Variants in LAMA3 observed in about 807,000 individuals in gnomAD.
LAMA3 encodes the protein laminin subunit alpha-3.
In LAMA3, 281 loss-of-function variants were observed where a neutral mutation model predicts 402.0. The observed-to-expected ratio is 0.70, with a 90% CI of 0.63 to 0.77. LAMA3 has a LOEUF of 0.77. Among genes scored for constraint, LAMA3 ranks in the 30% least tolerant of loss-of-function variants. The pLI is 0.00. For synonymous variants in LAMA3, 1,431 were observed against 1,558.4 expected (o/e 0.92, Z 1.93); for missense variants, 3,840 against 4,215.5 (o/e 0.91, Z 2.47).
At chr18:23,805,044 T>C (rs1036987389) in intron 12 of LAMA3, among the ~76,000 whole-genome samples, 2 of 152,184 alleles carry the variant, frequency 1.3e-5, no homozygotes, top group Non-Finnish European at 2.9e-5. Context: ...AACATAAAAA[T>C]AGCCTAATAC....
chr18:23,690,122 G>A (rs1346347761), intron 1 of LAMA3, 145 bp downstream of exon 1: 2 of 663,556 alleles, frequency 3.0e-6, no homozygotes, highest in Non-Finnish European at 4.7e-6. Context: ...CCGCGCGCGA[G>A]GGCCCACGAC....
intron 7 of LAMA3, 123 bp from the exon 8 acceptor site, chr18:23,763,282 A>G (rs2062009629): frequency 1.4e-6 from 1 of 720,022 alleles, no homozygotes; most frequent in Admixed American, 2.0e-5. Context: ...TTCCCCTAAG[A>G]GTGTCCTGGG....
chr18:23,811,070 G>T (rs17259452), intron 13 of LAMA3, among the ~76,000 whole-genome samples: 7,261 of 152,224 alleles, frequency 0.048, 418 homozygotes, highest in Admixed American at 0.17. Flanking sequence ...AGTCTATGCA[G>T]TTTGGAGAGA....
intron 4 of LAMA3, among the ~76,000 whole-genome samples, chr18:23,750,668 G>A (rs529347786): frequency 4.6e-5 from 7 of 152,020 alleles, no homozygotes; most frequent in African/African-American, 4.8e-5. Flanking sequence ...CTTTGAAAAC[G>A]TAATGATAAC....
chr18:23,883,157 C>T (rs1266958847), intron 40 of LAMA3, among the ~76,000 whole-genome samples: 1 of 152,132 alleles, frequency 6.6e-6, no homozygotes, highest in African/African-American at 2.4e-5. Flanking sequence ...AACCAGGACC[C>T]AGATCCTGCA....
chr18:23,787,618 A>G (rs1004994297), intron 12 of LAMA3, among the ~76,000 whole-genome samples: 5 of 152,244 alleles, frequency 3.3e-5, no homozygotes, highest in African/African-American at 9.6e-5. Context: ...CAGTTAGAAT[A>G]ACAACTGACT....
At chr18:23,814,030 ATTCTT>A (rs1451085615) in intron 14 of LAMA3, among the ~76,000 whole-genome samples, 1 of 152,154 alleles carries the variant, frequency 6.6e-6, no homozygotes, top group African/African-American at 2.4e-5. Context: ...CAGATAAACA[ATTCTT>A]TACTGATTTT....
In LAMA3 at chr18:23,749,472, AT is replaced by A. The variant is rs746551368; in HGVS notation, c.611del (p.Met204ArgfsTer30). On this transcript the variant is annotated frameshift_variant, in exon 4 of 75. Transcript: ENST00000313654. LOFTEE classifies it high-confidence loss of function. Reference protein sequence around the residue: ...CLKEFGREANMAVTRDDDVLC... With the variant: ...CLKEFGREANXAVTRDDDVLC... ...AAAAGAATTTGGGCGGGAGGCAAATATGGCTGTCACCCGGGATGATGATGTA... is the reference window on the plus strand; with the variant it reads ...AAAAGAATTTGGGCGGGAGGCAAATAGGCTGTCACCCGGGATGATGATGTA... The A allele has an allele frequency of 6.2e-7, 1 of 1,613,072 alleles. No individual in the cohort carries two copies.
At chr18:23,794,625 AGT>A (rs753050601) in intron 12 of LAMA3, among the ~76,000 whole-genome samples, 13 of 152,204 alleles carry the variant, frequency 8.5e-5, no homozygotes, top group Non-Finnish European at 1.8e-4. Context: ...CTTACCTAAG[AGT>A]GTGCTGACAA....
rs1440131766 is a variant in LAMA3 at position 23,846,523 on chromosome 18, C to T, written c.3931+15C>T. 6.3e-7 allele frequency: 1 copy of T among 1,597,348 alleles called. No homozygotes were observed. Among genetic ancestry groups the T allele is most frequent in the African/African-American group, 1.3e-5 (1 of 74,846 alleles). On this transcript the variant is annotated intron_variant, in intron 31 of 74. Transcript: ENST00000313654. ...ACGCTGCAAGCGTAAGTGCACGTTT[C>T]CCATCACCCAAGTTCTGCTCTGGTC...
chr18:23,781,161 C>T, intron 11 of LAMA3: 1 of 338,016 alleles, frequency 3.0e-6, no homozygotes, highest in Non-Finnish European at 6.0e-6. Flanking sequence ...CCAAGTTTTT[C>T]ACTGAATCTC....
chr18:23,726,846 G>A (rs1286743958), intron 2 of LAMA3, among the ~76,000 whole-genome samples: 1 of 152,078 alleles, frequency 6.6e-6, no homozygotes, highest in East Asian at 1.9e-4. Flanking sequence ...TTGAGCTCCC[G>A]GCCTCAAGTG....
intron 32 of LAMA3, among the ~76,000 whole-genome samples, chr18:23,851,652 C>T (rs2063947345): frequency 6.6e-6 from 1 of 152,148 alleles, no homozygotes; most frequent in Non-Finnish European, 1.5e-5. Context: ...CCCTGAGACT[C>T]CACCCATTCT....
chr18:23,777,314 A>G (rs1364881285), intron 10 of LAMA3, among the ~76,000 whole-genome samples: 2 of 152,050 alleles, frequency 1.3e-5, no homozygotes, highest in Non-Finnish European at 2.9e-5. Flanking sequence ...GCTGAGACTT[A>G]GCTATTGTGA....
Position 23,921,028 on chromosome 18 carries a change from G to T in LAMA3, c.8017G>T (p.Ala2673Ser). Residue 2673 changes from alanine to serine, a missense_variant, in exon 61 of 75, where the codon GCC becomes TCC. Ala to Ser is a moderately conservative substitution (Grantham distance 99, BLOSUM62 1). Coordinates refer to ENST00000313654, the MANE Select transcript of LAMA3 (RefSeq NM_198129.4). ...ACCAAAAGAGAGAGGAGTTGGAGAC[G>T]CCATAAACAACGGCAGAGACCATTC... ...ELPKERGVGD[A>S]INNGRDHSIQ... 1 of 1,613,996 alleles carries T rather than the reference G, an allele frequency of 6.2e-7. No homozygotes were observed. Among genetic ancestry groups the T allele is most frequent in the Non-Finnish European group, 8.5e-7 (1 of 1,179,954 alleles).
chr18:23,768,370 C>T (rs529613375), intron 8 of LAMA3, among the ~76,000 whole-genome samples: 2 of 152,014 alleles, frequency 1.3e-5, no homozygotes, highest in Non-Finnish European at 2.9e-5. Flanking sequence ...TACAAGTGGC[C>T]AACAAACGTA....
chr18:23,824,090 T>C (rs971289985), intron 20 of LAMA3, among the ~76,000 whole-genome samples: 2 of 152,102 alleles, frequency 1.3e-5, no homozygotes, highest in African/African-American at 4.8e-5. Context: ...AAAAATAATT[T>C]AGTAGCTAAT....
chr18:23,795,937 A>T, intron 12 of LAMA3: 2 of 242,328 alleles, frequency 8.3e-6, no homozygotes, highest in Admixed American at 1.0e-4. Flanking sequence ...ATAAGGGTGG[A>T]GCCCTGATCT....
chr18:23,839,030 A>G lies in LAMA3; in HGVS notation c.3191+152A>G, dbSNP rs916663777. On this transcript the variant is annotated intron_variant, in intron 26 of 74. Transcript: ENST00000313654. This position sits in a 1 kb window ranked among gnomAD's most constrained non-coding sequence, Gnocchi z 4.5. ...TTAAAACAGAAAGAAAAACCAGCTA[A>G]ATAATTTACCCCAGCAGTTTTTCCA... is the stretch of plus-strand genomic sequence containing the variant. 2 of 689,960 alleles carry G rather than the reference A, an allele frequency of 2.9e-6. No homozygotes were observed. Among genetic ancestry groups the G allele is most frequent in the Admixed American group, 2.1e-5 (1 of 47,096 alleles). The allele number at this position is 689,960 out of a possible 1,614,324, so 42.7% of individuals were successfully genotyped here.
Sources: allele counts gnomAD v4.1 joint callset (sites outside exome capture counted in the v4.1 genomes callset), GRCh38; gene constraint gnomAD v4.1.1; non-coding constraint Gnocchi (gnomAD v3.1); transcripts MANE v1.5; gene names NCBI Gene and HGNC (gene_info 2026-07-23, HGNC 2026-07-21).